INTS6: variants seen among roughly 807,000 people sequenced by gnomAD.
INTS6 encodes DEAD box protein.
Under a neutral mutation model 104.9 loss-of-function variants are expected in INTS6, and 16 were observed. That is an observed-to-expected ratio of 0.15 (90% CI 0.10 to 0.23). The LOEUF is 0.23. INTS6 is among the 10% of genes least tolerant of loss of function. The probability of loss-of-function intolerance (pLI) is 1.00; values close to 1 mark genes in which losing one functional copy is unlikely to be tolerated. For missense variants in INTS6, 584 were observed against 1,062.8 expected, an observed-to-expected ratio of 0.55 and a Z score of 6.26; for synonymous variants, 324 against 358.7, an observed-to-expected ratio of 0.90 and a Z score of 1.09.
intron 3 of INTS6, among the ~76,000 whole-genome samples, chr13:51,431,909 T>C (rs946977902): frequency 4.6e-5 from 7 of 152,058 alleles, no homozygotes; most frequent in Non-Finnish European, 7.3e-5. Flanking sequence ...TAAAAAGAAC[T>C]CATTTTGGGG....
At chr13:51,381,066 G>C (rs897935907) in intron 10 of INTS6, among the ~76,000 whole-genome samples, 2 of 151,720 alleles carry the variant, frequency 1.3e-5, no homozygotes, top group Non-Finnish European at 2.9e-5. Context: ...TTTTTTCCTT[G>C]ACATTATTCC....
intron 4 of INTS6, among the ~76,000 whole-genome samples, chr13:51,411,087 C>A (rs897467396): frequency 2.6e-5 from 4 of 151,726 alleles, no homozygotes; most frequent in African/African-American, 9.7e-5. Flanking sequence ...GTGGCGGGTG[C>A]CCGTAATCCT....
intron 3 of INTS6, among the ~76,000 whole-genome samples, chr13:51,356,289 C>T (rs1314014453): frequency 1.3e-5 from 2 of 151,966 alleles, no homozygotes; most frequent in Admixed American, 6.6e-5. Context: ...CAAACAGAAA[C>T]TTTCCTTACT....
chr13:51,356,318 C>T (rs988004154), intron 3 of INTS6, among the ~76,000 whole-genome samples: 7 of 151,930 alleles, frequency 4.6e-5, no homozygotes, highest in African/African-American at 1.7e-4. Context: ...CATAATCTGA[C>T]ATTTCAAGCA....
chr13:51,421,324 T>TG (rs1956892231), intron 4 of INTS6: 1 of 985,130 alleles, frequency 1.0e-6, no homozygotes, highest in Non-Finnish European at 1.2e-6. Context: ...ACCACTGGGC[T>TG]GCTCCTTTAG....
downstream of INTS6, among the ~76,000 whole-genome samples, chr13:51,353,125 T>A (rs888054114): frequency 6.6e-6 from 1 of 152,194 alleles, no homozygotes; most frequent in African/African-American, 2.4e-5. Flanking sequence ...TTGTAGCATT[T>A]CTGCTGGATC....
At position 51,452,170 on chromosome 13, in the gene INTS6, G is replaced by T; in HGVS notation, c.112-115C>A. ...GCCCCCACAGTACCGCACACGCAGC[G>T]GCCACCCCTCCACGCCGTCCCCCAC... On this transcript the variant is annotated intron_variant, in intron 1 of 17. Coordinates refer to ENST00000311234, the MANE Select transcript of INTS6 (RefSeq NM_012141.3). This position sits in a 1 kb window ranked among gnomAD's most constrained non-coding sequence, Gnocchi z 4.2. The T allele has an allele frequency of 1.0e-6, 1 of 985,210 alleles. No individual in the cohort carries two copies. Among genetic ancestry groups the T allele is most frequent in the Non-Finnish European group, 1.5e-6 (1 of 653,514 alleles). 61.0% of individuals were successfully genotyped at this position (985,210 alleles called of 1,614,324 possible).
the INTS6 span, among the ~76,000 whole-genome samples, chr13:51,342,695 A>G: frequency 6.6e-6 from 1 of 152,154 alleles, no homozygotes; most frequent in Non-Finnish European, 1.5e-5. Context: ...GATGGAGAGG[A>G]GAGTTCTGTG....
intron 3 of INTS6, chr13:51,441,518 T>C (rs906437527): frequency 5.9e-5 from 9 of 152,104 alleles, no homozygotes; most frequent in African/African-American, 2.2e-4. Context: ...ATATAATGCT[T>C]AGAAATTTTC....
intron 4 of INTS6, among the ~76,000 whole-genome samples, chr13:51,413,000 T>C (rs1956715397): frequency 6.6e-6 from 1 of 152,184 alleles, no homozygotes; most frequent in Non-Finnish European, 1.5e-5. Flanking sequence ...TATTTATAAA[T>C]GCTTCAAAAT....
the INTS6 span, among the ~76,000 whole-genome samples, chr13:51,338,057 TC>T: frequency 0.021 from 3,144 of 152,336 alleles, 55 homozygotes; most frequent in African/African-American, 0.049. Flanking sequence ...CTAGCATTTT[TC>T]CCGAAGGATG....
chr13:51,385,339 TG>T (rs1956124146), intron 7 of INTS6: 1 of 152,186 alleles, frequency 6.6e-6, no homozygotes, highest in South Asian at 2.1e-4. Flanking sequence ...TGCCCATAGA[TG>T]GGTAATGTTC....
chr13:51,399,269 T>C (rs1320874458), intron 4 of INTS6, among the ~76,000 whole-genome samples: 1 of 152,116 alleles, frequency 6.6e-6, no homozygotes, highest in East Asian at 1.9e-4. Context: ...TGCAGTCACA[T>C]GGTCATAGTT....
intron 4 of INTS6, among the ~76,000 whole-genome samples, chr13:51,412,586 C>T (rs144300283): frequency 6.6e-6 from 1 of 152,270 alleles, no homozygotes; most frequent in East Asian, 1.9e-4. Context: ...CATGGGAGTA[C>T]TACAGGTAAT....
intron 15 of INTS6, among the ~76,000 whole-genome samples, chr13:51,370,183 A>G (rs1428722670): frequency 6.6e-6 from 1 of 152,164 alleles, no homozygotes; most frequent in Non-Finnish European, 1.5e-5. Context: ...ACAACAACTT[A>G]TGCTTTAACT....
chr13:51,358,655 G>A (rs1313328294), downstream of INTS6, among the ~76,000 whole-genome samples: 1 of 152,068 alleles, frequency 6.6e-6, no homozygotes, highest in Non-Finnish European at 1.5e-5. Flanking sequence ...TATTTTTAAT[G>A]TAAGTTGGGC....
intron 3 of INTS6, chr13:51,439,240 C>T (rs1450196710): frequency 1.3e-5 from 2 of 151,970 alleles, no homozygotes; most frequent in African/African-American, 4.8e-5. Flanking sequence ...ACTAGGAGTC[C>T]CACACCTCAT....
At chr13:51,350,965 G>C (rs745714356), downstream of INTS6, among the ~76,000 whole-genome samples, 6 of 152,112 alleles carry the variant, frequency 3.9e-5, no homozygotes, top group Non-Finnish European at 8.8e-5. Flanking sequence ...ATAGTAGCAT[G>C]AATCAATACT....
intron 3 of INTS6, chr13:51,441,295 T>G (rs556666981): frequency 1.2e-4 from 19 of 152,264 alleles, no homozygotes; most frequent in African/African-American, 3.9e-4. Flanking sequence ...AAAATTCAAA[T>G]AAGAGAAAAT....
Sources: gnomAD v4.1 joint callset for allele counts (sites outside exome capture counted in the v4.1 genomes callset) on GRCh38, gnomAD v4.1.1 for gene constraint, Gnocchi (gnomAD v3.1) non-coding constraint, MANE v1.5 for transcripts, NCBI Gene and HGNC (gene_info 2026-07-23, HGNC 2026-07-21) for gene names.